The following CNTNAP2 variants were observed in gnomAD, a reference collection of about 807,000 sequenced individuals.
The protein encoded by CNTNAP2 is contactin associated protein 2.
In CNTNAP2, 98 loss-of-function variants were observed where a neutral mutation model predicts 155.2. That is an observed-to-expected ratio of 0.63 (90% confidence interval 0.54 to 0.75). The LOEUF (loss-of-function observed/expected upper bound fraction) is 0.75, where lower values mean the gene tolerates loss of function less well. Among genes scored for constraint, CNTNAP2 ranks in the 30% least tolerant of loss-of-function variants. The probability of loss-of-function intolerance (pLI) is 0.00; values close to 1 mark genes in which losing one functional copy is unlikely to be tolerated. For missense variants in CNTNAP2, 1,727 were observed against 1,688.1 expected (o/e 1.02, Z -0.40); for synonymous variants, 651 against 631.2 (o/e 1.03, Z -0.47).
At chr7:146,499,773 G>A (rs78976193) in intron 1 of CNTNAP2, among the ~76,000 whole-genome samples, 12,951 of 152,124 alleles carry the variant, frequency 0.085, 1,464 homozygotes, top group African/African-American at 0.26. Flanking sequence ...AATAGCCACT[G>A]GTGTTGTATT....
intron 1 of CNTNAP2, among the ~76,000 whole-genome samples, chr7:146,475,908 G>A (rs925869917): frequency 6.6e-6 from 1 of 152,042 alleles, no homozygotes; most frequent in Non-Finnish European, 1.5e-5. Flanking sequence ...GAAGAATTTA[G>A]TTTTCAACTA....
chr7:146,539,775 G>A (rs1246334386), intron 1 of CNTNAP2, among the ~76,000 whole-genome samples: 4 of 151,992 alleles, frequency 2.6e-5, no homozygotes, highest in Admixed American at 2.6e-4. Context: ...TTTTATTATA[G>A]ACGTGTTCTC....
chr7:147,162,195 G>C (rs78940954), intron 8 of CNTNAP2: 26 of 152,222 alleles, frequency 1.7e-4, no homozygotes, highest in Non-Finnish European at 2.9e-4. Flanking sequence ...TTTATAGATG[G>C]TCTACTAAAT....
chr7:148,106,025 G>A (rs1200752682), intron 15 of CNTNAP2, among the ~76,000 whole-genome samples: 2 of 152,234 alleles, frequency 1.3e-5, no homozygotes, highest in East Asian at 3.9e-4. Context: ...GGCAGCAGAA[G>A]GAATGGAGAG....
intron 4 of CNTNAP2, among the ~76,000 whole-genome samples, chr7:147,055,864 G>A (rs573846641): frequency 2.0e-5 from 3 of 152,220 alleles, no homozygotes; most frequent in South Asian, 4.2e-4. Flanking sequence ...GGACATATCC[G>A]CAGGAACAAA....
chr7:148,402,603 T>A lies in CNTNAP2; in HGVS notation c.3716-6788T>A, dbSNP rs550579577. ...TTTAAGAAAAACAATCATTTTCTGC[T>A]ATATAACTCAGATTTGAAAACAGAA... On this transcript the variant is annotated intron_variant, in intron 22 of 23. Transcript: ENST00000361727. Among the ~76,000 whole-genome samples, 109 of 152,358 alleles carry A rather than the reference T, an allele frequency of 7.2e-4. 1 individual carries two copies. Among genetic ancestry groups the A allele is most frequent in the African/African-American group, 2.5e-3 (104 of 41,584 alleles).
intron 1 of CNTNAP2, among the ~76,000 whole-genome samples, chr7:146,157,597 T>TGGCTTGGAGGGTCCCATGCCC (rs1459021376): frequency 9.2e-5 from 14 of 152,194 alleles, no homozygotes; most frequent in Non-Finnish European, 1.8e-4. Context: ...ATCCCGTGCA[T>TGGCTTGGAGGGTCCCATGCCC]GGCTTGGAGG....
At chr7:146,301,721 G>T (rs1037082939) in intron 1 of CNTNAP2, among the ~76,000 whole-genome samples, 1 of 152,090 alleles carries the variant, frequency 6.6e-6, no homozygotes, top group African/African-American at 2.4e-5. Flanking sequence ...TTGCATGAAT[G>T]ATCTCCAAAT....
chr7:148,394,229 A>T (rs1398533219), intron 22 of CNTNAP2, among the ~76,000 whole-genome samples: 2 of 152,088 alleles, frequency 1.3e-5, no homozygotes, highest in Non-Finnish European at 2.9e-5. Context: ...TAAAAATCTC[A>T]CTTTATTTTT....
intron 3 of CNTNAP2, among the ~76,000 whole-genome samples, chr7:146,955,726 T>G (rs28606062): frequency 0.011 from 1,638 of 152,134 alleles, 31 homozygotes; most frequent in African/African-American, 0.038. Context: ...TTGGAAGAGA[T>G]GTATGAAAAT....
chr7:148,079,655 T>C (rs1017519169), intron 15 of CNTNAP2, among the ~76,000 whole-genome samples: 13 of 152,204 alleles, frequency 8.5e-5, no homozygotes, highest in African/African-American at 3.1e-4. Context: ...TTTCAAAAAT[T>C]GCCAAAGAAA....
In CNTNAP2 at chr7:147,400,985, T is replaced by C. The variant is rs144341482; in HGVS notation, c.1670+5205T>C. Among the ~76,000 whole-genome samples the C allele has an allele frequency of 1.7e-3, 259 of 152,316 alleles. 1 individual carries two copies. Among genetic ancestry groups the C allele is most frequent in the African/African-American group, 5.7e-3 (238 of 41,570 alleles). Reference sequence around the variant, plus strand: ...ACCAGAATACAGAAGAACAAATTCCTAAATATGGAAATGACTTTGAAAGAA... The same window carrying C: ...ACCAGAATACAGAAGAACAAATTCCCAAATATGGAAATGACTTTGAAAGAA... On this transcript the variant is annotated intron_variant, in intron 10 of 23. Transcript: ENST00000361727.
intron 22 of CNTNAP2, among the ~76,000 whole-genome samples, chr7:148,404,463 C>T (rs1007550223): frequency 1.5e-4 from 23 of 151,324 alleles, no homozygotes; most frequent in Non-Finnish European, 2.7e-4. Context: ...TCCTATGAGA[C>T]GGGAGAGTTC....
At chr7:146,350,672 T>C (rs997113459) in intron 1 of CNTNAP2, among the ~76,000 whole-genome samples, 2 of 152,104 alleles carry the variant, frequency 1.3e-5, no homozygotes, top group Non-Finnish European at 2.9e-5. Context: ...AGCCATCCCA[T>C]TACTGGTTAT....
intron 15 of CNTNAP2, among the ~76,000 whole-genome samples, chr7:148,052,504 T>C (rs931985143): frequency 1.3e-5 from 2 of 152,228 alleles, no homozygotes; most frequent in African/African-American, 4.8e-5. Flanking sequence ...TGAGGCATTT[T>C]TGACAAGCAA....
intron 15 of CNTNAP2, among the ~76,000 whole-genome samples, chr7:148,112,962 T>G (rs567931016): frequency 6.6e-6 from 1 of 152,278 alleles, no homozygotes; most frequent in East Asian, 1.9e-4. Flanking sequence ...GAACTGCTTT[T>G]TGCTTTAGTC....
intron 1 of CNTNAP2, among the ~76,000 whole-genome samples, chr7:146,573,961 A>G (rs539487665): frequency 7.9e-4 from 121 of 152,266 alleles, no homozygotes; most frequent in African/African-American, 2.7e-3. Context: ...ATAACATTAG[A>G]TGTTATTATG....
chr7:148,032,738 G>T (rs911078237), intron 15 of CNTNAP2, among the ~76,000 whole-genome samples: 2 of 152,144 alleles, frequency 1.3e-5, no homozygotes, highest in Non-Finnish European at 2.9e-5. Flanking sequence ...AACCAATGAG[G>T]AGCCATTCAC....
chr7:146,490,859 A>G (rs370258428), intron 1 of CNTNAP2, among the ~76,000 whole-genome samples: 1 of 152,212 alleles, frequency 6.6e-6, no homozygotes, highest in South Asian at 2.1e-4. Context: ...TATCATGGGA[A>G]TGTAGTACTG....
Sources: gnomAD v4.1 joint callset for allele counts (sites outside exome capture counted in the v4.1 genomes callset) on GRCh38, gnomAD v4.1.1 for gene constraint, MANE v1.5 for transcripts, NCBI Gene and HGNC (gene_info 2026-07-23, HGNC 2026-07-21) for gene names.